DLGAP2: variants seen among roughly 807,000 people sequenced by gnomAD.
The protein encoded by DLGAP2 is disks large-associated protein 2.
A neutral mutation model predicts 100.3 loss-of-function variants in DLGAP2; 26 were observed. The ratio of observed to expected loss-of-function variants is 0.26; its 90% confidence interval spans 0.19 to 0.36. The LOEUF (loss-of-function observed/expected upper bound fraction) is 0.36, where lower values mean the gene tolerates loss of function less well. Among genes scored for constraint, DLGAP2 ranks in the 10% least tolerant of loss-of-function variants. The pLI, the probability that DLGAP2 is intolerant of heterozygous loss-of-function variation, is 1.00. For missense variants in DLGAP2, 1,858 were observed against 1,453.2 expected (o/e 1.28, Z -4.53); for synonymous variants, 886 against 630.1 (o/e 1.41, Z -6.08).
intron 3 of DLGAP2, among the ~76,000 whole-genome samples, chr8:1,281,334 C>T (rs1035257648): frequency 1.3e-5 from 2 of 152,156 alleles, no homozygotes; most frequent in South Asian, 2.1e-4. Flanking sequence ...TCGCTCCCGG[C>T]GAAGGCAGCC....
At chr8:1,497,952 CAT>C (rs1799599116) in intron 3 of DLGAP2, among the ~76,000 whole-genome samples, 1 of 152,190 alleles carries the variant, frequency 6.6e-6, no homozygotes, top group Non-Finnish European at 1.5e-5. Context: ...ATCCTGAGAA[CAT>C]GTGTCCAGTG....
At chr8:962,533 C>G (rs960498340) in intron 2 of DLGAP2, among the ~76,000 whole-genome samples, 1 of 152,100 alleles carries the variant, frequency 6.6e-6, no homozygotes, top group Non-Finnish European at 1.5e-5. Context: ...TGGGGCTGCT[C>G]ACATGGGCCC....
At chr8:1,155,247 G>C (rs982797314) in intron 2 of DLGAP2, among the ~76,000 whole-genome samples, 1 of 152,176 alleles carries the variant, frequency 6.6e-6, no homozygotes, top group African/African-American at 2.4e-5. Context: ...TGAATGACTT[G>C]TCGCTTCTTC....
At chr8:1,093,253 G>T (rs1343132280) in intron 2 of DLGAP2, among the ~76,000 whole-genome samples, 1 of 113,408 alleles carries the variant, frequency 8.8e-6, no homozygotes. Flanking sequence ...CTTCACACCC[G>T]CAGCCAGAAA....
chr8:1,356,029 G>A (rs1331938168), intron 3 of DLGAP2, among the ~76,000 whole-genome samples: 4 of 152,214 alleles, frequency 2.6e-5, no homozygotes, highest in African/African-American at 4.8e-5. Flanking sequence ...TTGCATGATC[G>A]GGGCCACTGC....
At chr8:1,447,507 T>G (rs2130093901) in intron 3 of DLGAP2, among the ~76,000 whole-genome samples, 1 of 152,342 alleles carries the variant, frequency 6.6e-6, no homozygotes, top group East Asian at 1.9e-4. Context: ...ATTGAGGATT[T>G]TTGCATCAAT....
At chr8:1,195,070 T>G (rs748920709) in intron 2 of DLGAP2, among the ~76,000 whole-genome samples, 1 of 152,204 alleles carries the variant, frequency 6.6e-6, no homozygotes, top group African/African-American at 2.4e-5. Context: ...CCAGCATGAG[T>G]GCTCAAGCTC....
At chr8:1,025,031 C>G (rs1006187367) in intron 2 of DLGAP2, among the ~76,000 whole-genome samples, 6 of 152,104 alleles carry the variant, frequency 3.9e-5, no homozygotes, top group Non-Finnish European at 7.4e-5. Context: ...CTGCTCCCCC[C>G]TCTCCTGTGT....
intron 3 of DLGAP2, among the ~76,000 whole-genome samples, chr8:1,270,967 G>T (rs569719036): frequency 1.8e-4 from 28 of 152,098 alleles, no homozygotes; most frequent in Admixed American, 1.8e-3. Context: ...ATTGTTAGAC[G>T]TGTTGCAAAA....
chr8:1,114,282 CT>C (rs1401960524), intron 2 of DLGAP2, among the ~76,000 whole-genome samples: 10 of 152,058 alleles, frequency 6.6e-5, no homozygotes, highest in Non-Finnish European at 1.0e-4. Context: ...AGTACCAGCT[CT>C]GCTTTATACA....
At chr8:1,318,778 G>GCCCCCCCCCCCCCCCCTC (rs34614425) in intron 3 of DLGAP2, among the ~76,000 whole-genome samples, 1 of 105,574 alleles carries the variant, frequency 9.5e-6, no homozygotes, top group Non-Finnish European at 1.8e-5. Flanking sequence ...TCAGTGATCA[G>GCCCCCCCCCCCCCCCCTC]CCCCCCCCCC....
In DLGAP2 at chr8:1,050,832, T is replaced by A. The variant is rs910288420; in HGVS notation, c.73+142866T>A. Among the ~76,000 whole-genome samples the A allele has an allele frequency of 2.3e-4, 35 of 152,172 alleles. No homozygotes were observed. The East Asian group carries it at 4.8e-3, about 21-fold the overall frequency. On this transcript the variant is annotated intron_variant, in intron 2 of 14. Coordinates refer to ENST00000637795, the MANE Select transcript of DLGAP2 (RefSeq NM_001346810.2). Reference sequence around the variant, plus strand: ...GTGGAGGGATGAAAAGGACCTGAATTTTTTACGTGCTTCCCCATAGATTTC... The same window carrying A: ...GTGGAGGGATGAAAAGGACCTGAATATTTTACGTGCTTCCCCATAGATTTC...
At chr8:1,155,457 C>G (rs1402265593) in intron 2 of DLGAP2, among the ~76,000 whole-genome samples, 1 of 152,136 alleles carries the variant, frequency 6.6e-6, no homozygotes, top group Non-Finnish European at 1.5e-5. Context: ...AGTCTTTTAG[C>G]AACCTTAGAA....
intron 1 of DLGAP2, among the ~76,000 whole-genome samples, chr8:897,361 C>G (rs1320877416): frequency 6.6e-6 from 1 of 152,166 alleles, no homozygotes; most frequent in Non-Finnish European, 1.5e-5. Context: ...GCCGATGTAT[C>G]TGCATTGTAA....
intron 3 of DLGAP2, among the ~76,000 whole-genome samples, chr8:1,304,271 G>A (rs1047024785): frequency 6.6e-6 from 1 of 152,146 alleles, no homozygotes; most frequent in African/African-American, 2.4e-5. Context: ...ACAGGACACC[G>A]GCCACCGTGG....
intron 2 of DLGAP2, among the ~76,000 whole-genome samples, chr8:1,066,458 C>G (rs1472902367): frequency 6.9e-6 from 1 of 144,272 alleles, no homozygotes; most frequent in Non-Finnish European, 1.5e-5. Flanking sequence ...TTGGGCAGGT[C>G]TGGGTGAGGA....
chr8:1,528,318 C>T (rs1015724927), intron 4 of DLGAP2, among the ~76,000 whole-genome samples: 1 of 152,232 alleles, frequency 6.6e-6, no homozygotes, highest in African/African-American at 2.4e-5. Context: ...CACGAACACT[C>T]CTGGCTCACT....
At chr8:1,659,910 G>A (rs377179370) in intron 8 of DLGAP2, among the ~76,000 whole-genome samples, 32 of 152,228 alleles carry the variant, frequency 2.1e-4, no homozygotes, top group Non-Finnish European at 3.8e-4. Flanking sequence ...TATTTTGCCC[G>A]TTAGTTGATG....
At chr8:1,377,202 G>A (rs1795968404) in intron 3 of DLGAP2, among the ~76,000 whole-genome samples, 1 of 152,226 alleles carries the variant, frequency 6.6e-6, no homozygotes, top group Non-Finnish European at 1.5e-5. Flanking sequence ...CAGCTGTAGG[G>A]TTAGGGCAGC....
Sources: allele counts gnomAD v4.1 joint callset (sites outside exome capture counted in the v4.1 genomes callset), GRCh38; gene constraint gnomAD v4.1.1; transcripts MANE v1.5; gene names NCBI Gene and HGNC (gene_info 2026-07-23, HGNC 2026-07-21).